The following KIF2A variants were observed in gnomAD, a reference collection of about 807,000 sequenced individuals.
KIF2A encodes kinesin family member 2A.
A neutral mutation model predicts 100.2 loss-of-function variants in KIF2A; 22 were observed. The observed-to-expected ratio is 0.22, with a 90% CI of 0.16 to 0.31. The LOEUF is 0.31. Among genes scored for constraint, KIF2A ranks in the 10% least tolerant of loss-of-function variants. The pLI is 1.00. For missense variants in KIF2A, 495 were observed against 898.7 expected, an observed-to-expected ratio of 0.55 and a Z score of 5.74; for synonymous variants, 268 against 285.9, an observed-to-expected ratio of 0.94 and a Z score of 0.63.
At chr5:62,349,011 A>G (rs973830001) in intron 3 of KIF2A, among the ~76,000 whole-genome samples, 1 of 152,200 alleles carries the variant, frequency 6.6e-6, no homozygotes, top group Admixed American at 6.5e-5. Context: ...TGTTTCATAA[A>G]CTATGCAGTT....
chr5:62,341,020 T>C (rs1747265628), intron 1 of KIF2A, among the ~76,000 whole-genome samples: 1 of 151,990 alleles, frequency 6.6e-6, no homozygotes, highest in Non-Finnish European at 1.5e-5. Context: ...GTTCTAGTTA[T>C]CTGATTAATT....
intron 1 of KIF2A, among the ~76,000 whole-genome samples, chr5:62,327,367 G>T (rs1003877017): frequency 2.6e-5 from 4 of 152,140 alleles, no homozygotes; most frequent in Non-Finnish European, 5.9e-5. Flanking sequence ...CTGTTTATGG[G>T]TTGTAGCCCT....
chr5:62,307,086 T>G (rs928444218), intron 1 of KIF2A: 3 of 151,478 alleles, frequency 2.0e-5, no homozygotes, highest in African/African-American at 7.3e-5. Flanking sequence ...TTGTCAGGCC[T>G]CCCCGGTTTC....
intron 4 of KIF2A, among the ~76,000 whole-genome samples, chr5:62,352,067 C>T (rs1452112328): frequency 6.6e-6 from 1 of 150,928 alleles, no homozygotes; most frequent in Admixed American, 6.6e-5. Flanking sequence ...GGCAGGAGAT[C>T]ACTTGAACCT....
At chr5:62,328,374 A>G (rs1746479750) in intron 1 of KIF2A, among the ~76,000 whole-genome samples, 1 of 150,452 alleles carries the variant, frequency 6.6e-6, no homozygotes, top group Admixed American at 6.6e-5. Flanking sequence ...ATCATATTAC[A>G]TCGTGATTTT....
At chr5:62,359,630 G>A (rs1407893804) in intron 9 of KIF2A, among the ~76,000 whole-genome samples, 1 of 151,942 alleles carries the variant, frequency 6.6e-6, no homozygotes, top group Non-Finnish European at 1.5e-5. Context: ...TAAAATATAA[G>A]TTTGACTTTT....
chr5:62,387,092 TAATAC>T lies in KIF2A; in HGVS notation c.*1527_*1531del, dbSNP rs1472054293. Among the ~76,000 whole-genome samples, 1 of 152,214 alleles carries T rather than the reference TAATAC, an allele frequency of 6.6e-6. No individual in the cohort carries two copies. Among genetic ancestry groups the T allele is most frequent in the African/African-American group, 2.4e-5 (1 of 41,460 alleles). On this transcript the variant is annotated 3_prime_UTR_variant, in exon 21 of 21. Transcript: ENST00000407818. ...CCCAGAGAGTAGTTGTGAAAGATCC[TAATAC>T]AATTGTGAAAAGCTCTGTAAACATG...
At chr5:62,384,530 C>T (rs1169751818) in intron 20 of KIF2A, among the ~76,000 whole-genome samples, 1 of 152,132 alleles carries the variant, frequency 6.6e-6, no homozygotes, top group Non-Finnish European at 1.5e-5. Context: ...GACAGTAGCA[C>T]CACACCAGTT....
At chr5:62,342,786 G>A (rs1236391944) in intron 1 of KIF2A, among the ~76,000 whole-genome samples, 12 of 147,218 alleles carry the variant, frequency 8.2e-5, no homozygotes, top group East Asian at 2.0e-4. Context: ...GTGGAGTCTC[G>A]CTCTTGCCCA....
At chr5:62,384,892 C>A (rs1741945051) in intron 20 of KIF2A, among the ~76,000 whole-genome samples, 1 of 152,094 alleles carries the variant, frequency 6.6e-6, no homozygotes, top group Admixed American at 6.5e-5. Context: ...CCTATAATCC[C>A]AGCACTTTGG....
rs1487867165 is a variant in KIF2A at position 62,390,717 on chromosome 5, C to T, written c.*5148C>T. On this transcript the variant is annotated 3_prime_UTR_variant, in exon 21 of 21. Coordinates refer to ENST00000407818, the MANE Select transcript of KIF2A (RefSeq NM_001098511.3). ...GTTCATTCTGCTGCAGCTAACTAGC[C>T]TCCATCTTCTACACCAAATACTATT... Among the ~76,000 whole-genome samples the T allele has an allele frequency of 1.3e-5, 2 of 152,122 alleles. No individual in the cohort carries two copies. Among genetic ancestry groups the T allele is most frequent in the African/African-American group, 4.8e-5 (2 of 41,436 alleles).
chr5:62,317,139 C>T (rs1745855038), intron 1 of KIF2A, among the ~76,000 whole-genome samples: 1 of 151,940 alleles, frequency 6.6e-6, no homozygotes, highest in Admixed American at 6.6e-5. Flanking sequence ...ACCTCTGCCT[C>T]CCGAGTTCAA....
At chr5:62,328,916 C>A (rs1411708287) in intron 1 of KIF2A, among the ~76,000 whole-genome samples, 8 of 152,136 alleles carry the variant, frequency 5.3e-5, no homozygotes, top group African/African-American at 1.9e-4. Flanking sequence ...AATAATGCTA[C>A]CTTAATTGTT....
intron 1 of KIF2A, chr5:62,311,725 G>A (rs1293605846): frequency 1.3e-5 from 2 of 152,174 alleles, no homozygotes; most frequent in African/African-American, 4.8e-5. Flanking sequence ...TTGATTATGG[G>A]GGTGGGATGG....
At position 62,389,066 on chromosome 5, in the gene KIF2A, T is replaced by G. The variant is rs1229654164; in HGVS notation, c.*3497T>G. 6.2e-7 allele frequency: 1 copy of G among 1,609,380 alleles called. No individual in the cohort carries two copies. The highest frequency in any genetic ancestry group is 8.5e-7 in the Non-Finnish European group (1 of 1,177,364). ...CCATGTAGCAATCTGAAAAAAGAAA[T>G]CAAAATGGAATGGTACTGAAAAGCT... On this transcript the variant is annotated 3_prime_UTR_variant, in exon 21 of 21. Transcript: ENST00000407818.
In KIF2A at chr5:62,365,228, T is replaced by A. The variant is rs757501016; in HGVS notation, c.1468-15T>A. 1 of 1,364,654 alleles carries A rather than the reference T, an allele frequency of 7.3e-7. No individual in the cohort carries two copies. The highest frequency in any genetic ancestry group is 1.5e-5 in the African/African-American group (1 of 68,288). 84.5% of individuals were successfully genotyped at this position (1,364,654 alleles called of 1,614,324 possible). ...AGAAAGACTAATCTGTGAGACTTGTTTTCTTAATTTTCAGGAGTGCATCAG... is the reference window on the plus strand; with the variant it reads ...AGAAAGACTAATCTGTGAGACTTGTATTCTTAATTTTCAGGAGTGCATCAG... On this transcript the variant is annotated splice_polypyrimidine_tract_variant and intron_variant, in intron 14 of 20. Transcript: ENST00000407818.
chr5:62,360,908 T>C (rs975438503), intron 9 of KIF2A, among the ~76,000 whole-genome samples: 4 of 152,196 alleles, frequency 2.6e-5, no homozygotes, highest in Admixed American at 2.6e-4. Flanking sequence ...ATTAACTTTT[T>C]AAAATTGAGA....
In KIF2A at chr5:62,385,993, C is replaced by G. The variant is rs1052982049; in HGVS notation, c.*424C>G. 24 of 161,988 alleles carry G rather than the reference C, an allele frequency of 1.5e-4. No homozygotes were observed. Among genetic ancestry groups the G allele is most frequent in the African/African-American group, 5.0e-4 (21 of 41,736 alleles). 10.0% of individuals were successfully genotyped at this position (161,988 alleles called of 1,614,324 possible). ...CATGCATACCTCATCAGTGATTGTACATACCTTGCCCACTCCTAGAGACAG... is the reference window on the plus strand; with the variant it reads ...CATGCATACCTCATCAGTGATTGTAGATACCTTGCCCACTCCTAGAGACAG... On this transcript the variant is annotated 3_prime_UTR_variant, in exon 21 of 21. Transcript: ENST00000407818.
rs753478511 is a variant in KIF2A, at chr5:62,390,502, T to G, written c.*4933T>G. On this transcript the variant is annotated 3_prime_UTR_variant, in exon 21 of 21. Transcript: ENST00000407818. Reference sequence around the variant, plus strand: ...ATTTTAAAAATCAGATCCAGTTACATGTATTATGATTTTTCTACCTTATGG... The same window carrying G: ...ATTTTAAAAATCAGATCCAGTTACAGGTATTATGATTTTTCTACCTTATGG... Among the ~76,000 whole-genome samples the G allele has an allele frequency of 3.9e-5, 6 of 152,140 alleles. No homozygotes were observed. Among genetic ancestry groups the G allele is most frequent in the African/African-American group, 1.2e-4 (5 of 41,420 alleles).
Sources: gnomAD v4.1 joint callset for allele counts (sites outside exome capture counted in the v4.1 genomes callset) on GRCh38, gnomAD v4.1.1 for gene constraint, MANE v1.5 for transcripts, NCBI Gene and HGNC (gene_info 2026-07-23, HGNC 2026-07-21) for gene names.